Variants in PAICS observed in about 807,000 individuals in gnomAD.
The protein encoded by PAICS is bifunctional phosphoribosylaminoimidazole carboxylase/phosphoribosylaminoimidazole succinocarboxamide synthetase.
A neutral mutation model predicts 53.7 loss-of-function variants in PAICS; 33 were observed. The ratio of observed to expected loss-of-function variants is 0.61; its 90% CI spans 0.47 to 0.82. The LOEUF is 0.82. Among genes scored for constraint, PAICS ranks in the 40% least tolerant of loss-of-function variants. The pLI, the probability that PAICS is intolerant of heterozygous loss-of-function variation, is 0.00. For missense variants in PAICS, 394 were observed against 494.1 expected (o/e 0.80, Z 1.92); for synonymous variants, 141 against 167.2 (o/e 0.84, Z 1.21).
At chr4:56,431,495 G>C, upstream of PAICS, 1 of 979,884 alleles carries the variant, frequency 1.0e-6, no homozygotes, top group Non-Finnish European at 1.2e-6. Flanking sequence ...CGTAATAACA[G>C]AACCAAAAGA....
the PAICS span, chr4:56,420,759 T>A: frequency 1.3e-5 from 2 of 152,222 alleles, no homozygotes; most frequent in African/African-American, 4.8e-5. Flanking sequence ...ACATGAGACT[T>A]TCTTAGAAGT....
At chr4:56,445,616 AT>A (rs1718577098) in intron 2 of PAICS, among the ~76,000 whole-genome samples, 2 of 152,094 alleles carry the variant, frequency 1.3e-5, no homozygotes, top group African/African-American at 4.8e-5. Context: ...CTACCTCAAA[AT>A]TTTATGCACA....
At chr4:56,433,551 G>C (rs1578140338), upstream of PAICS, among the ~76,000 whole-genome samples, 11 of 150,346 alleles carry the variant, frequency 7.3e-5, no homozygotes, top group South Asian at 2.3e-3. Context: ...GAAGGAGAAA[G>C]GGGGATGAAA....
the PAICS span, among the ~76,000 whole-genome samples, chr4:56,427,957 C>G: frequency 6.6e-6 from 1 of 152,198 alleles, no homozygotes; most frequent in African/African-American, 2.4e-5. Context: ...ATGCCCACTT[C>G]TCACTAAAAG....
At chr4:56,430,212 T>C in the PAICS span, among the ~76,000 whole-genome samples, 2 of 152,348 alleles carry the variant, frequency 1.3e-5, no homozygotes, top group Non-Finnish European at 2.9e-5. Context: ...TGTCTCTCAA[T>C]GGACATATGT....
chr4:56,443,167 T>C (rs531627926), intron 2 of PAICS, among the ~76,000 whole-genome samples: 2 of 152,242 alleles, frequency 1.3e-5, no homozygotes, highest in South Asian at 4.1e-4. Context: ...AAGTGTTCCA[T>C]CTATTTATTT....
At chr4:56,415,807 T>C in the PAICS span, among the ~76,000 whole-genome samples, 1 of 152,168 alleles carries the variant, frequency 6.6e-6, no homozygotes, top group African/African-American at 2.4e-5. Context: ...CTGGGCACAG[T>C]GGCTCACACC....
At position 56,448,543 on chromosome 4, in the gene PAICS, T is replaced by G. The variant is rs1220003851; in HGVS notation, c.519T>G (p.Phe173Leu). 6.8e-6 allele frequency: 11 copies of G among 1,610,372 alleles called. No homozygotes were observed. The highest frequency in any genetic ancestry group is 1.3e-5 in the African/African-American group (1 of 74,980). The change falls in exon 4 of 9, where the codon TTT (phenylalanine) becomes TTG (leucine). Residue 173 changes from phenylalanine (F) to leucine (L), a missense_variant. By Grantham distance (22) the Phe-to-Leu change is conservative. This residue lies in a region of PAICS where 168 missense variants were observed against 199.3 expected (regional missense o/e 0.84). Coordinates refer to ENST00000512576, the MANE Select transcript of PAICS (RefSeq NM_001079524.2). Reference sequence around the variant, plus strand: ...TGAGTCATGCTACACAGGCTATATTTGAAATACTGGAGAAATCCTGGTTGC... The same window carrying G: ...TGAGTCATGCTACACAGGCTATATTGGAAATACTGGAGAAATCCTGGTTGC... ...DIMSHATQAI[F>L]EILEKSWLPQ...
chr4:56,464,085 A>C lies in PAICS; in HGVS notation c.*4547A>C, dbSNP rs1393547574. ...AACGTTATTGCCTCCCCTGATTCTC[A>C]AGCCCTCGGGTTTGGAACTACACTG... On this transcript the variant is annotated 3_prime_UTR_variant, in exon 9 of 9. Transcript: ENST00000512576. The C allele has an allele frequency of 6.6e-6, 1 of 152,252 alleles. No homozygotes were observed. Among genetic ancestry groups the C allele is most frequent in the East Asian group, 1.9e-4 (1 of 5,180 alleles). The allele number at this position is 152,252 out of a possible 1,614,324, so 9.4% of individuals were successfully genotyped here.
At chr4:56,455,930 T>C (rs1719169912) in intron 8 of PAICS, among the ~76,000 whole-genome samples, 1 of 152,188 alleles carries the variant, frequency 6.6e-6, no homozygotes, top group Non-Finnish European at 1.5e-5. Flanking sequence ...TTAGTCCCCA[T>C]TTTCCTTGAA....
chr4:56,463,802 C>T lies in PAICS; in HGVS notation c.*4264C>T, dbSNP rs1187824209. 1 of 151,928 alleles carries T rather than the reference C, an allele frequency of 6.6e-6. No individual in the cohort carries two copies. Among genetic ancestry groups the T allele is most frequent in the Admixed American group, 6.6e-5 (1 of 15,264 alleles). The allele number at this position is 151,928 out of a possible 1,614,324, so 9.4% of individuals were successfully genotyped here. ...GAGATGGCTAATTCTGTCAACTTGA[C>T]TAGGCTACGGGATGCCTTGATAGCT... On this transcript the variant is annotated 3_prime_UTR_variant, in exon 9 of 9. Coordinates refer to ENST00000512576, the MANE Select transcript of PAICS (RefSeq NM_001079524.2).
chr4:56,410,924 A>G, the PAICS span: 757 of 901,106 alleles, frequency 8.4e-4, 4 homozygotes, highest in African/African-American at 1.4e-3. Flanking sequence ...AAAAAAAAAA[A>G]AAAAGAAAAG....
chr4:56,453,795 T>C (rs1719047644), intron 8 of PAICS, 34 bp downstream of exon 8: 3 of 1,461,030 alleles, frequency 2.1e-6, no homozygotes, highest in Admixed American at 4.0e-5. Context: ...AACTGTTCAT[T>C]ACAAGCATTT....
At chr4:56,417,056 C>A in the PAICS span, among the ~76,000 whole-genome samples, 1 of 152,156 alleles carries the variant, frequency 6.6e-6, no homozygotes. Flanking sequence ...ACCATGTTAG[C>A]CAGGCTGATC....
chr4:56,460,215 C>T lies in PAICS; in HGVS notation c.*677C>T, dbSNP rs935894248. On this transcript the variant is annotated 3_prime_UTR_variant, in exon 9 of 9. Transcript: ENST00000512576. ...CTTGTACTTTCAACTGTCCATTTCTCCCTGTCTGTCCCATGGGCACTCATG... is the reference window on the plus strand; with the variant it reads ...CTTGTACTTTCAACTGTCCATTTCTTCCTGTCTGTCCCATGGGCACTCATG... 1.3e-5 allele frequency: 2 copies of T among 152,156 alleles called. No homozygotes were observed. The highest frequency in any genetic ancestry group is 4.8e-5 in the African/African-American group (2 of 41,434). The allele number at this position is 152,156 out of a possible 1,614,324, so 9.4% of individuals were successfully genotyped here.
Position 56,436,300 on chromosome 4 carries a change from C to G in PAICS, c.-13C>G, listed in dbSNP as rs201185562. 16 of 1,601,120 alleles carry G rather than the reference C, an allele frequency of 1.0e-5. No homozygotes were observed. The Admixed American group carries it at 2.6e-4, about 26-fold the overall frequency. On this transcript the variant is annotated 5_prime_UTR_variant, in exon 1 of 9. Transcript: ENST00000512576. ...TTCCCGGCGCGGTCGCAGCCCTCAG[C>G]CCACTTAGGATAATGGCGACAGCTG... is the stretch of plus-strand genomic sequence containing the variant.
At chr4:56,457,415 A>C (rs1320694498) in intron 8 of PAICS, among the ~76,000 whole-genome samples, 1 of 152,130 alleles carries the variant, frequency 6.6e-6, no homozygotes, top group Non-Finnish European at 1.5e-5. Context: ...CTCAGAAAAA[A>C]ATAATGTTTA....
At chr4:56,439,970 T>C (rs529739478) in intron 1 of PAICS, among the ~76,000 whole-genome samples, 80 of 152,316 alleles carry the variant, frequency 5.3e-4, no homozygotes, top group Non-Finnish European at 2.4e-4. Flanking sequence ...TAACTGGTCT[T>C]CCAAGCTCTA....
the PAICS span, among the ~76,000 whole-genome samples, chr4:56,417,965 G>A: frequency 6.6e-6 from 1 of 150,928 alleles, no homozygotes; most frequent in Non-Finnish European, 1.5e-5. Context: ...TCAGCCTCCT[G>A]AGTAGCTGGG....
Sources: gnomAD v4.1 joint callset for allele counts (sites outside exome capture counted in the v4.1 genomes callset) on GRCh38, gnomAD v4.1.1 for gene constraint, gnomAD v4.1.1 regional missense constraint, MANE v1.5 for transcripts, NCBI Gene and HGNC (gene_info 2026-07-23, HGNC 2026-07-21) for gene names.